Variants in SLC25A26 observed in about 807,000 individuals in gnomAD.
SLC25A26 encodes the protein solute carrier family 25 member 26, also known as mitochondrial S-adenosylmethionine carrier protein.
Under a neutral mutation model 37.8 loss-of-function variants are expected in SLC25A26, and 36 were observed. The observed-to-expected ratio is 0.95, with a 90% CI of 0.73 to 1.26. The LOEUF (loss-of-function observed/expected upper bound fraction) is 1.26, where lower values mean the gene tolerates loss of function less well. Among genes scored for constraint, SLC25A26 ranks in the 50% most tolerant of loss-of-function variants. SLC25A26 has a pLI of 0.00. For missense variants in SLC25A26, 390 were observed against 331.1 expected (o/e 1.18, Z -1.38); for synonymous variants, 129 against 122.5 (o/e 1.05, Z -0.35).
chr3:66,316,541 T>C (rs997473638), intron 5 of SLC25A26, among the ~76,000 whole-genome samples: 1 of 152,152 alleles, frequency 6.6e-6, no homozygotes, highest in Non-Finnish European at 1.5e-5. Flanking sequence ...CTGGCTGCCC[T>C]TAACATTTTT....
chr3:66,305,362 T>C (rs796111171), intron 5 of SLC25A26, among the ~76,000 whole-genome samples: 15 of 152,342 alleles, frequency 9.8e-5, no homozygotes, highest in African/African-American at 3.4e-4. Context: ...ATCAGTGTTA[T>C]AAAAAATGGA....
At chr3:66,347,225 C>G (rs2076347367) in intron 6 of SLC25A26, among the ~76,000 whole-genome samples, 1 of 152,148 alleles carries the variant, frequency 6.6e-6, no homozygotes, top group African/African-American at 2.4e-5. Flanking sequence ...ACCTATTCAT[C>G]TGACAAAGGT....
intron 2 of SLC25A26, among the ~76,000 whole-genome samples, chr3:66,237,339 G>T (rs1490726039): frequency 6.6e-6 from 1 of 152,226 alleles, no homozygotes; most frequent in Non-Finnish European, 1.5e-5. Flanking sequence ...CTACTGGGAA[G>T]CCTTAAAAAA....
At chr3:66,180,849 T>C (rs1398736063) in intron 1 of SLC25A26, among the ~76,000 whole-genome samples, 1 of 152,164 alleles carries the variant, frequency 6.6e-6, no homozygotes, top group East Asian at 1.9e-4. Context: ...TGTGACTGTA[T>C]TTGGAGACAG....
intron 5 of SLC25A26, among the ~76,000 whole-genome samples, chr3:66,345,956 G>C (rs1368491767): frequency 2.6e-5 from 4 of 152,192 alleles, no homozygotes; most frequent in Non-Finnish European, 4.4e-5. Flanking sequence ...ACTTTTGGAG[G>C]CCAAGTCAGG....
intron 8 of SLC25A26, 51 bp downstream of exon 8, chr3:66,369,593 A>G (rs932789608): frequency 7.0e-7 from 1 of 1,432,754 alleles, no homozygotes; most frequent in Admixed American, 1.9e-5. Flanking sequence ...CATATCTGTT[A>G]GCACTAGGAC....
chr3:66,323,344 A>C (rs986731175), intron 5 of SLC25A26, among the ~76,000 whole-genome samples: 4 of 152,236 alleles, frequency 2.6e-5, no homozygotes, highest in Non-Finnish European at 4.4e-5. Flanking sequence ...TACTGTGTCT[A>C]AAATAATGTA....
chr3:66,361,339 G>C (rs1464638699), intron 6 of SLC25A26, among the ~76,000 whole-genome samples: 1 of 152,162 alleles, frequency 6.6e-6, no homozygotes, highest in Non-Finnish European at 1.5e-5. Context: ...TTTGAGTTAG[G>C]CAAAGATTTC....
chr3:66,209,088 ATG>A (rs1416636057), intron 1 of SLC25A26, among the ~76,000 whole-genome samples: 162 of 35,480 alleles, frequency 4.6e-3, no homozygotes, highest in Middle Eastern at 0.045. Context: ...CCATATAAAG[ATG>A]TATATATATA....
chr3:66,294,079 G>A (rs1454027114), intron 5 of SLC25A26, among the ~76,000 whole-genome samples: 1 of 152,056 alleles, frequency 6.6e-6, no homozygotes, highest in Non-Finnish European at 1.5e-5. Flanking sequence ...AGTTTAATAG[G>A]CATAGGGTTG....
chr3:66,254,947 A>G (rs1467187827), intron 3 of SLC25A26, among the ~76,000 whole-genome samples: 1 of 152,210 alleles, frequency 6.6e-6, no homozygotes, highest in Non-Finnish European at 1.5e-5. Flanking sequence ...CCAGAACTAG[A>G]GGACAGGGTG....
intron 1 of SLC25A26, among the ~76,000 whole-genome samples, chr3:66,140,950 G>T (rs574981845): frequency 6.6e-6 from 1 of 152,062 alleles, no homozygotes; most frequent in Admixed American, 6.6e-5. Flanking sequence ...TCACTTACTT[G>T]TGGTTACTGT....
chr3:66,340,765 A>G (rs1463565174), intron 5 of SLC25A26, among the ~76,000 whole-genome samples: 1 of 152,100 alleles, frequency 6.6e-6, no homozygotes, highest in Non-Finnish European at 1.5e-5. Flanking sequence ...CTTGAAATCA[A>G]ATATTGTCAA....
At chr3:66,321,503 CT>C (rs1054796970) in intron 5 of SLC25A26, among the ~76,000 whole-genome samples, 2 of 152,006 alleles carry the variant, frequency 1.3e-5, no homozygotes, top group African/African-American at 4.8e-5. Flanking sequence ...ATTTGTATCT[CT>C]TTTACTTCTT....
chr3:66,208,661 GGTATATATATATATATACACAT>G (rs2071212631), intron 1 of SLC25A26, among the ~76,000 whole-genome samples: 2 of 23,760 alleles, frequency 8.4e-5, no homozygotes, highest in Admixed American at 4.5e-4. Context: ...CCTTTATATG[GGTATATATATATATATACACAT>G]TTATATGGGT....
chr3:66,305,432 A>T (rs2075190089), intron 5 of SLC25A26, among the ~76,000 whole-genome samples: 1 of 152,132 alleles, frequency 6.6e-6, no homozygotes, highest in South Asian at 2.1e-4. Flanking sequence ...TATATTAGGG[A>T]TTGAAGGACT....
intron 9 of SLC25A26, 57 bp downstream of exon 9, chr3:66,370,659 G>T (rs1191783661): frequency 4.2e-6 from 6 of 1,422,174 alleles, no homozygotes; most frequent in Non-Finnish European, 5.9e-6. Flanking sequence ...TCCTCCTTTA[G>T]CCTAACTTTG....
chr3:66,149,798 A>T (rs774608063), intron 1 of SLC25A26, among the ~76,000 whole-genome samples: 1 of 152,162 alleles, frequency 6.6e-6, no homozygotes, highest in Non-Finnish European at 1.5e-5. Context: ...CACCAGGATA[A>T]CAGGCACAGT....
chr3:66,158,500 TC>T (rs2070314313), intron 1 of SLC25A26, among the ~76,000 whole-genome samples: 2 of 152,188 alleles, frequency 1.3e-5, no homozygotes, highest in Non-Finnish European at 2.9e-5. Flanking sequence ...ATACATTAAC[TC>T]TATGTTGAAT....
Sources: allele counts gnomAD v4.1 joint callset (sites outside exome capture counted in the v4.1 genomes callset), GRCh38; gene constraint gnomAD v4.1.1; transcripts MANE v1.5; gene names NCBI Gene and HGNC (gene_info 2026-07-23, HGNC 2026-07-21).